Variants in CCDC186 observed in about 807,000 individuals in gnomAD.
CCDC186 encodes coiled-coil domain-containing protein 186.
CCDC186 carries 49 observed loss-of-function variants against 113.7 expected under a neutral mutation model. That is an observed-to-expected ratio of 0.43 (90% CI 0.34 to 0.55). The LOEUF (loss-of-function observed/expected upper bound fraction) is 0.55. Ranked by LOEUF, CCDC186 falls within the 20% of genes least tolerant of loss-of-function variation. CCDC186 has a pLI of 0.02. For missense variants in CCDC186, 890 were observed against 1,011.1 expected (o/e 0.88, Z 1.62); for synonymous variants, 355 against 345.8 (o/e 1.03, Z -0.30).
intron 12 of CCDC186, chr10:114,130,726 T>C (rs1193894867): frequency 1.3e-5 from 2 of 152,526 alleles, no homozygotes; most frequent in Non-Finnish European, 1.5e-5. Flanking sequence ...AGAACTGCTA[T>C]TTATACTGAT....
At chr10:114,172,535 G>A (rs937346929) in intron 1 of CCDC186, among the ~76,000 whole-genome samples, 2 of 152,130 alleles carry the variant, frequency 1.3e-5, no homozygotes, top group Non-Finnish European at 2.9e-5. Context: ...ACACACTATG[G>A]AATCTCCACT....
chr10:114,157,566 G>A lies in CCDC186; in HGVS notation c.747C>T (p.Asn249=), dbSNP rs201543676. Residue 249 remains asparagine, a synonymous_variant, in exon 3 of 16, where the codon AAC becomes AAT. Transcript: ENST00000369287. ...TTGTCTTTTTTACCTGTTTAATTGT[G>A]TTCATATGCTGCTTCTCAGTTTCTG... ...KRTETEKQHM[N]TIKQLESRIE... The A allele has an allele frequency of 1.7e-5, 28 of 1,606,094 alleles. No homozygotes were observed. The Admixed American group carries it at 4.8e-4, about 28-fold the overall frequency.
At position 114,162,887 on chromosome 10, in the gene CCDC186, G is replaced by A. The variant is rs1466013157; in HGVS notation, c.382C>T (p.Pro128Ser). The change falls in exon 2 of 16, where the codon CCA becomes TCA. Residue 128 changes from proline (P) to serine (S), a missense_variant. Pro to Ser is a moderately conservative substitution (Grantham distance 74). Transcript: ENST00000369287. Reference sequence around the variant, plus strand: ...TAAGTCTTTTCATTAGCTGATTCTGGAAATGTAGATGACCTTAATTCCACC... The same window carrying A: ...TAAGTCTTTTCATTAGCTGATTCTGAAAATGTAGATGACCTTAATTCCACC... ...ILVELRSSTFPESANEKTYSE... is the reference protein window; with the variant it reads ...ILVELRSSTFSESANEKTYSE... 6 of 1,613,770 alleles carry A rather than the reference G, an allele frequency of 3.7e-6. No individual in the cohort carries two copies. In the African/African-American group the frequency reaches 6.7e-5, roughly 18 times the overall value.
chr10:114,129,515 CTTT>C (rs1279133953), intron 13 of CCDC186, among the ~76,000 whole-genome samples: 1 of 151,930 alleles, frequency 6.6e-6, no homozygotes, highest in Non-Finnish European at 1.5e-5. Context: ...CATATCAATA[CTTT>C]TTAAAATAAA....
chr10:114,130,080 A>C, intron 12 of CCDC186, 109 bp from the exon 13 acceptor site: 1 of 874,860 alleles, frequency 1.1e-6, no homozygotes, highest in South Asian at 1.5e-5. Context: ...AGACAAGAGA[A>C]AGTTCTTGAA....
chr10:114,161,476 G>A (rs2032165884), intron 2 of CCDC186: 1 of 152,098 alleles, frequency 6.6e-6, no homozygotes, highest in African/African-American at 2.4e-5. Context: ...AATGGTAAGA[G>A]TCTAGATCTC....
At chr10:114,134,777 A>AAGAG in intron 10 of CCDC186, 136 bp downstream of exon 10, 1 of 907,768 alleles carries the variant, frequency 1.1e-6, no homozygotes, top group Non-Finnish European at 1.6e-6. Context: ...AGTTCAGATA[A>AAGAG]AGAGAAAATA....
At chr10:114,168,710 C>T (rs1008190124) in intron 1 of CCDC186, among the ~76,000 whole-genome samples, 9 of 152,172 alleles carry the variant, frequency 5.9e-5, no homozygotes, top group African/African-American at 2.2e-4. Flanking sequence ...ACCCTAGTCT[C>T]CTAATTTTCA....
chr10:114,125,784 T>C (rs2030880292), intron 15 of CCDC186, 102 bp downstream of exon 15: 9 of 897,240 alleles, frequency 1.0e-5, no homozygotes, highest in Non-Finnish European at 1.5e-5. Context: ...AATGACTGCC[T>C]TGCATTACAG....
Position 114,140,749 on chromosome 10 carries a change from T to C in CCDC186, c.1222-3459A>G, listed in dbSNP as rs571584625. Among the ~76,000 whole-genome samples the C allele has an allele frequency of 3.9e-5, 6 of 152,340 alleles. No individual in the cohort carries two copies. The East Asian group carries it at 9.7e-4, about 25-fold the overall frequency. ...AATGTATTTTTCAGTTCAGACATTA[T>C]GTCAATCTGTTTTTTTTCTCTTTCA... On this transcript the variant is annotated intron_variant, in intron 6 of 15. Coordinates refer to ENST00000369287, the MANE Select transcript of CCDC186 (RefSeq NM_018017.4).
At chr10:114,145,151 GTT>G (rs891031510) in intron 5 of CCDC186, among the ~76,000 whole-genome samples, 1 of 151,988 alleles carries the variant, frequency 6.6e-6, no homozygotes, top group African/African-American at 2.4e-5. Context: ...ATGGTGATGT[GTT>G]ATATTAAGAT....
intron 6 of CCDC186, among the ~76,000 whole-genome samples, chr10:114,137,968 C>T (rs2031322242): frequency 3.0e-5 from 4 of 133,054 alleles, no homozygotes; most frequent in South Asian, 5.1e-4. Context: ...ACCCAGGAGG[C>T]GGAGGTTGCG....
chr10:114,171,503 A>G (rs2032493586), intron 1 of CCDC186, among the ~76,000 whole-genome samples: 1 of 152,186 alleles, frequency 6.6e-6, no homozygotes, highest in African/African-American at 2.4e-5. Flanking sequence ...GTGAATTATG[A>G]TCATACCACT....
chr10:114,160,388 G>C (rs1331393823), intron 2 of CCDC186, among the ~76,000 whole-genome samples: 1 of 152,162 alleles, frequency 6.6e-6, no homozygotes, highest in Non-Finnish European at 1.5e-5. Flanking sequence ...TGAGGGAAAA[G>C]GGGAGATATT....
In CCDC186 at chr10:114,121,293, T is replaced by C. The variant is rs1207716797; in HGVS notation, c.*3850A>G. 1 of 152,102 alleles carries C rather than the reference T, an allele frequency of 6.6e-6. No individual in the cohort carries two copies. The highest frequency in any genetic ancestry group is 2.4e-5 in the African/African-American group (1 of 41,430). 9.4% of individuals were successfully genotyped at this position (152,102 alleles called of 1,614,324 possible). ...CTTTTAAAAAAAGGTTATTGAAAAATAGGCTACATAAAGCATAAATGACAA... is the reference window on the plus strand; with the variant it reads ...CTTTTAAAAAAAGGTTATTGAAAAACAGGCTACATAAAGCATAAATGACAA... On this transcript the variant is annotated 3_prime_UTR_variant, in exon 16 of 16. Transcript: ENST00000369287.
chr10:114,151,300 G>A (rs767203845), intron 3 of CCDC186, 80 bp from the exon 4 acceptor site: 57 of 1,041,224 alleles, frequency 5.5e-5, no homozygotes, highest in Non-Finnish European at 7.6e-5. Context: ...TATAAACAAA[G>A]TAAATAAACA....
Position 114,120,905 on chromosome 10 carries a change from T to C in CCDC186, c.*4238A>G, listed in dbSNP as rs2030698451. On this transcript the variant is annotated 3_prime_UTR_variant, in exon 16 of 16. Coordinates refer to ENST00000369287, the MANE Select transcript of CCDC186 (RefSeq NM_018017.4). ...CTATTTAATAAGTACAATATATACA[T>C]AGAATCCTCTTGAAAAGTTTCATTT... 1 of 152,106 alleles carries C rather than the reference T, an allele frequency of 6.6e-6. No homozygotes were observed. The highest frequency in any genetic ancestry group is 6.5e-5 in the Admixed American group (1 of 15,268). The allele number at this position is 152,106 out of a possible 1,614,324, so 9.4% of individuals were successfully genotyped here.
chr10:114,141,770 T>C (rs547562571), intron 6 of CCDC186, among the ~76,000 whole-genome samples: 1 of 152,294 alleles, frequency 6.6e-6, no homozygotes, highest in African/African-American at 2.4e-5. Context: ...TGGTTCCCCA[T>C]ATTTTGAACT....
In CCDC186 at chr10:114,135,063, A is replaced by AT. The variant is rs2031213338; in HGVS notation, c.1513-9dup. The AT allele has an allele frequency of 1.2e-6, 2 of 1,601,166 alleles. No homozygotes were observed. The highest frequency in any genetic ancestry group is 1.7e-6 in the Non-Finnish European group (2 of 1,176,604). On this transcript the variant is annotated splice_polypyrimidine_tract_variant and intron_variant, in intron 9 of 15. Transcript: ENST00000369287. ...ATCTTCTAGACATTTCACCTATCAA[A>AT]TGATCACAACCAAGTTACAAACCAT...
Sources: allele counts gnomAD v4.1 joint callset (sites outside exome capture counted in the v4.1 genomes callset), GRCh38; gene constraint gnomAD v4.1.1; transcripts MANE v1.5; gene names NCBI Gene and HGNC (gene_info 2026-07-23, HGNC 2026-07-21).